Variants in SPOCK3 observed in about 807,000 individuals in gnomAD.
SPOCK3 encodes testican-3.
SPOCK3 carries 30 observed loss-of-function variants against 56.6 expected under a neutral mutation model. The ratio of observed to expected loss-of-function variants is 0.53; its 90% CI spans 0.40 to 0.72. SPOCK3 has a LOEUF of 0.72. Among genes scored for constraint, SPOCK3 ranks in the 30% least tolerant of loss-of-function variants. SPOCK3 has a pLI of 0.00. For synonymous variants in SPOCK3, 196 were observed against 183.3 expected (o/e 1.07, Z -0.56); for missense variants, 527 against 530.0 (o/e 0.99, Z 0.06).
At chr4:167,048,789 C>T (rs1283634880) in intron 3 of SPOCK3, among the ~76,000 whole-genome samples, 2 of 152,102 alleles carry the variant, frequency 1.3e-5, no homozygotes, top group Admixed American at 1.3e-4. Flanking sequence ...ATTTATTCTT[C>T]ATTCATTTTT....
chr4:167,098,541 A>G (rs985425883), intron 2 of SPOCK3, among the ~76,000 whole-genome samples: 1 of 152,052 alleles, frequency 6.6e-6, no homozygotes, highest in Non-Finnish European at 1.5e-5. Context: ...CCCACTTAGG[A>G]AAGTATTCCA....
At chr4:166,876,350 G>A (rs561199807) in intron 6 of SPOCK3, among the ~76,000 whole-genome samples, 81 of 152,236 alleles carry the variant, frequency 5.3e-4, no homozygotes, top group Non-Finnish European at 9.7e-4. Flanking sequence ...TATGGCAATG[G>A]AATTTTTTCT....
intron 2 of SPOCK3, among the ~76,000 whole-genome samples, chr4:167,227,252 T>C (rs1187909462): frequency 6.6e-6 from 1 of 152,154 alleles, no homozygotes; most frequent in East Asian, 1.9e-4. Context: ...CATTTCTATT[T>C]TGGCAAGTTT....
intron 4 of SPOCK3, among the ~76,000 whole-genome samples, chr4:166,973,292 A>C (rs2150077806): frequency 6.6e-6 from 1 of 152,290 alleles, no homozygotes; most frequent in South Asian, 2.1e-4. Flanking sequence ...GCTGTGAGTC[A>C]ATTAAACCTC....
At chr4:166,795,591 G>A (rs1399126206) in intron 6 of SPOCK3, among the ~76,000 whole-genome samples, 1 of 151,770 alleles carries the variant, frequency 6.6e-6, no homozygotes, top group Non-Finnish European at 1.5e-5. Context: ...AGGGATTCTT[G>A]CCAAATTAGA....
intron 2 of SPOCK3, among the ~76,000 whole-genome samples, chr4:167,131,064 T>C (rs1233180245): frequency 6.6e-6 from 1 of 152,086 alleles, no homozygotes; most frequent in African/African-American, 2.4e-5. Context: ...ATTAGTTGAA[T>C]AAATCTAAGG....
chr4:167,194,761 C>T (rs1028837064), intron 2 of SPOCK3, among the ~76,000 whole-genome samples: 1 of 152,150 alleles, frequency 6.6e-6, no homozygotes, highest in Non-Finnish European at 1.5e-5. Flanking sequence ...CCTGAGAAGA[C>T]TGGATTGTCT....
chr4:166,950,829 A>G (rs967156583), intron 4 of SPOCK3, among the ~76,000 whole-genome samples: 1 of 149,144 alleles, frequency 6.7e-6, no homozygotes, highest in Non-Finnish European at 1.5e-5. Flanking sequence ...CTGTTCCTGA[A>G]TGACTACTGG....
At chr4:167,109,324 AAT>A (rs1355096878) in intron 2 of SPOCK3, among the ~76,000 whole-genome samples, 5 of 90,176 alleles carry the variant, frequency 5.5e-5, no homozygotes, top group Non-Finnish European at 7.7e-5. Context: ...TTAATATATT[AAT>A]ATATATTAAT....
At chr4:166,876,805 G>C (rs1733134972) in intron 6 of SPOCK3, among the ~76,000 whole-genome samples, 1 of 152,108 alleles carries the variant, frequency 6.6e-6, no homozygotes, top group African/African-American at 2.4e-5. Flanking sequence ...AAGTCGAGAT[G>C]AATGAGCAGA....
chr4:166,912,302 ATTG>A (rs1248400761), intron 5 of SPOCK3, among the ~76,000 whole-genome samples: 1 of 152,132 alleles, frequency 6.6e-6, no homozygotes, highest in East Asian at 1.9e-4. Context: ...TAGCACATTT[ATTG>A]TTGTTAAAAT....
chr4:166,802,472 G>A (rs777397735), intron 6 of SPOCK3, among the ~76,000 whole-genome samples: 2 of 152,210 alleles, frequency 1.3e-5, no homozygotes, highest in Non-Finnish European at 1.5e-5. Flanking sequence ...CAGGTTCAGT[G>A]TCTGGTGAAG....
At chr4:166,906,482 T>TAAAAA (rs34213978) in intron 5 of SPOCK3, among the ~76,000 whole-genome samples, 4 of 107,442 alleles carry the variant, frequency 3.7e-5, no homozygotes, top group Non-Finnish European at 3.7e-5. Flanking sequence ...GTTGGCTACA[T>TAAAAA]AAAAAAAAAA....
intron 8 of SPOCK3, among the ~76,000 whole-genome samples, chr4:166,746,972 T>C (rs1224971563): frequency 6.6e-6 from 1 of 152,088 alleles, no homozygotes; most frequent in Non-Finnish European, 1.5e-5. Flanking sequence ...TAACAGACTC[T>C]GAAATTGAGG....
Position 166,794,895 on chromosome 4 carries a change from G to A in SPOCK3, c.590-2606C>T, listed in dbSNP as rs140611066. 3.3e-5 allele frequency among the ~76,000 whole-genome samples: 5 copies of A among 152,026 alleles called. No homozygotes were observed. The East Asian group carries it at 9.7e-4, about 29-fold the overall frequency. On this transcript the variant is annotated intron_variant, in intron 6 of 10. Coordinates refer to ENST00000357545, the MANE Select transcript of SPOCK3 (RefSeq NM_001040159.2). ...TGACCTCAGGTGATCCACCCACCTC[G>A]GCCTCCCAAAGTGCTGGAATTAAAG...
intron 4 of SPOCK3, among the ~76,000 whole-genome samples, chr4:166,973,727 G>A (rs1305518119): frequency 6.6e-6 from 1 of 152,158 alleles, no homozygotes; most frequent in Admixed American, 6.6e-5. Flanking sequence ...GCTAGACAAA[G>A]TGAGTAGTTT....
At chr4:166,928,444 C>T (rs1739363083) in intron 4 of SPOCK3, among the ~76,000 whole-genome samples, 2 of 152,124 alleles carry the variant, frequency 1.3e-5, no homozygotes, top group African/African-American at 4.8e-5. Flanking sequence ...GAAAGGCTAC[C>T]TACTGTAAGA....
intron 4 of SPOCK3, 102 bp downstream of exon 4, chr4:167,000,244 ACTC>A (rs767618972): frequency 2.0e-4 from 108 of 533,190 alleles, no homozygotes; most frequent in Non-Finnish European, 3.2e-4. Context: ...TTTCAATAAA[ACTC>A]TGCATAAAAG....
chr4:167,034,528 C>G (rs917357544), intron 3 of SPOCK3, among the ~76,000 whole-genome samples: 2 of 152,132 alleles, frequency 1.3e-5, no homozygotes, highest in East Asian at 3.9e-4. Context: ...AAAATGAAAC[C>G]TACCTTGGCA....
Sources: gnomAD v4.1 joint callset for allele counts (sites outside exome capture counted in the v4.1 genomes callset) on GRCh38, gnomAD v4.1.1 for gene constraint, MANE v1.5 for transcripts, NCBI Gene and HGNC (gene_info 2026-07-23, HGNC 2026-07-21) for gene names.